Variants in TPP2 observed in about 807,000 individuals in gnomAD.
The protein encoded by TPP2 is tripeptidyl peptidase 2.
In TPP2, 34 loss-of-function variants were observed where a neutral mutation model predicts 155.9. That is an observed-to-expected ratio of 0.22 (90% CI 0.17 to 0.29). The LOEUF (loss-of-function observed/expected upper bound fraction) is 0.29, where lower values mean the gene tolerates loss of function less well. Among genes scored for constraint, TPP2 ranks in the 10% least tolerant of loss-of-function variants. The pLI is 1.00. For missense variants in TPP2, 1,028 were observed against 1,522.3 expected, an observed-to-expected ratio of 0.68 and a Z score of 5.40; for synonymous variants, 510 against 529.4, an observed-to-expected ratio of 0.96 and a Z score of 0.50.
chr13:102,634,243 G>A, intron 11 of TPP2, 145 bp downstream of exon 11: 1 of 1,147,936 alleles, frequency 8.7e-7, no homozygotes, highest in South Asian at 1.6e-5. Context: ...ATGTGATAAT[G>A]ATAATTTGAA....
At chr13:102,642,429 TTG>T (rs1317450477) in intron 16 of TPP2, among the ~76,000 whole-genome samples, 1 of 152,102 alleles carries the variant, frequency 6.6e-6, no homozygotes, top group Non-Finnish European at 1.5e-5. Context: ...TGAAAATAAT[TTG>T]TTTTTTTAAA....
chr13:102,636,112 T>C, intron 12 of TPP2, 112 bp from the exon 13 acceptor site: 1 of 1,086,932 alleles, frequency 9.2e-7, no homozygotes, highest in South Asian at 1.7e-5. Context: ...GAGAGGTGAA[T>C]ATAGACACTA....
At chr13:102,650,563 C>G (rs1050986774) in intron 23 of TPP2, among the ~76,000 whole-genome samples, 9 of 151,948 alleles carry the variant, frequency 5.9e-5, no homozygotes, top group Admixed American at 5.2e-4. Flanking sequence ...TTTAAGAAAC[C>G]CTGGTAGTTT....
chr13:102,660,075 T>TAG (rs1884106752), intron 25 of TPP2, among the ~76,000 whole-genome samples: 1 of 151,822 alleles, frequency 6.6e-6, no homozygotes, highest in Non-Finnish European at 1.5e-5. Context: ...GAGAGGGGAA[T>TAG]AGAGCTATAA....
intron 21 of TPP2, 34 bp from the exon 22 acceptor site, chr13:102,648,873 T>C (rs1310269457): frequency 5.1e-6 from 8 of 1,557,666 alleles, no homozygotes; most frequent in Non-Finnish European, 6.0e-6. Context: ...TTGGTTAAAC[T>C]TAACTTTTCC....
chr13:102,661,387 A>C (rs1308972666), intron 25 of TPP2, among the ~76,000 whole-genome samples: 1 of 151,178 alleles, frequency 6.6e-6, no homozygotes, highest in Non-Finnish European at 1.5e-5. Context: ...AGTAGCTAGG[A>C]CTACAAGTGC....
Position 102,638,169 on chromosome 13 carries a change from G to A in TPP2, c.1837-70G>A, listed in dbSNP as rs1283830129. Reference sequence around the variant, plus strand: ...AGTAGATTGATTTATTCTGTCAGTAGTTTAGACCTTCCCCCGCTCTTTTAA... The same window carrying A: ...AGTAGATTGATTTATTCTGTCAGTAATTTAGACCTTCCCCCGCTCTTTTAA... On this transcript the variant is annotated intron_variant, in intron 14 of 29. Transcript: ENST00000376052. The A allele has an allele frequency of 2.8e-6, 4 of 1,421,006 alleles. No homozygotes were observed. In the African/African-American group the frequency reaches 4.2e-5, roughly 15 times the overall value. 88.0% of individuals were successfully genotyped at this position (1,421,006 alleles called of 1,614,324 possible).
intron 2 of TPP2, among the ~76,000 whole-genome samples, chr13:102,612,637 T>A (rs1174651575): frequency 6.6e-6 from 1 of 152,204 alleles, no homozygotes; most frequent in Admixed American, 6.5e-5. Flanking sequence ...ATTATAACTT[T>A]TATCTGATTT....
chr13:102,624,240 C>T (rs764169298), intron 6 of TPP2, among the ~76,000 whole-genome samples: 2 of 152,110 alleles, frequency 1.3e-5, no homozygotes, highest in Non-Finnish European at 2.9e-5. Context: ...ACACCAGCTC[C>T]AGGATGGTGG....
At chr13:102,630,296 T>C (rs1881933507) in intron 10 of TPP2, 101 bp downstream of exon 10, 10 of 720,550 alleles carry the variant, frequency 1.4e-5, no homozygotes, top group Non-Finnish European at 1.8e-5. Flanking sequence ...TTTTTTCTGT[T>C]GGTTTTTACT....
chr13:102,668,413 G>A (rs75323234), intron 27 of TPP2, among the ~76,000 whole-genome samples: 9,445 of 152,240 alleles, frequency 0.062, 365 homozygotes, highest in East Asian at 0.11. Context: ...TGCAGCAACT[G>A]GTTTGTCTGG....
At chr13:102,630,545 G>A (rs1881950367) in intron 10 of TPP2, among the ~76,000 whole-genome samples, 1 of 152,132 alleles carries the variant, frequency 6.6e-6, no homozygotes. Context: ...TTGGTGAAAT[G>A]AAAGCCCTAA....
chr13:102,651,451 A>G (rs1448950033), intron 24 of TPP2, 54 bp downstream of exon 24: 1 of 1,539,176 alleles, frequency 6.5e-7, no homozygotes, highest in Non-Finnish European at 8.8e-7. Flanking sequence ...TTGCATATTA[A>G]ACTTTTTTCT....
chr13:102,639,117 C>T (rs1566347412), intron 15 of TPP2, among the ~76,000 whole-genome samples: 1 of 152,062 alleles, frequency 6.6e-6, no homozygotes, highest in African/African-American at 2.4e-5. Flanking sequence ...TTTTACGTGC[C>T]CCTGGACAGA....
At chr13:102,618,684 A>G (rs1162281127) in intron 4 of TPP2, 38 bp from the exon 5 acceptor site, 2 of 1,605,978 alleles carry the variant, frequency 1.2e-6, no homozygotes, top group South Asian at 1.1e-5. Flanking sequence ...TTAGAAGGAC[A>G]GAATGTACTA....
intron 27 of TPP2, 25 bp from the exon 28 acceptor site, chr13:102,674,258 A>T: frequency 6.3e-7 from 1 of 1,592,642 alleles, no homozygotes; most frequent in East Asian, 2.2e-5. Flanking sequence ...CTGATATCTG[A>T]AATATTTTTT....
At chr13:102,666,157 G>A (rs1447460575) in intron 27 of TPP2, among the ~76,000 whole-genome samples, 4 of 152,180 alleles carry the variant, frequency 2.6e-5, no homozygotes, top group Non-Finnish European at 5.9e-5. Context: ...GAAGGCAGGG[G>A]CCTTTGTATC....
chr13:102,612,991 TC>T (rs1336976883), intron 2 of TPP2, among the ~76,000 whole-genome samples: 1 of 152,250 alleles, frequency 6.6e-6, no homozygotes, highest in Non-Finnish European at 1.5e-5. Context: ...AGTGACTACT[TC>T]CCTTTTTGTT....
chr13:102,628,057 A>T lies in TPP2; in HGVS notation c.1016+133A>T, dbSNP rs1179719623. ...AGTGGTTAGATGATAACTGTGTTCA[A>T]GAGGACTTTCATCCTCTTGAAGTCC... On this transcript the variant is annotated intron_variant, in intron 8 of 29. Transcript: ENST00000376052. The T allele has an allele frequency of 5.6e-6, 4 of 713,750 alleles. No homozygotes were observed. The Admixed American group carries it at 1.2e-4, about 21-fold the overall frequency. 44.2% of individuals were successfully genotyped at this position (713,750 alleles called of 1,614,324 possible).
Sources: gnomAD v4.1 joint callset for allele counts (sites outside exome capture counted in the v4.1 genomes callset) on GRCh38, gnomAD v4.1.1 for gene constraint, MANE v1.5 for transcripts, NCBI Gene and HGNC (gene_info 2026-07-23, HGNC 2026-07-21) for gene names.